ZBED6: variants seen among roughly 807,000 people sequenced by gnomAD.
The protein encoded by ZBED6 is zinc finger BED domain-containing protein 6.
A neutral mutation model predicts 58.4 loss-of-function variants in ZBED6; 40 were observed. That is an observed-to-expected ratio of 0.68 (90% CI 0.53 to 0.89). The LOEUF (loss-of-function observed/expected upper bound fraction) is 0.89, where lower values mean the gene tolerates loss of function less well. Ranked by LOEUF, ZBED6 falls within the 40% of genes least tolerant of loss-of-function variation. ZBED6 has a pLI of 0.00. For missense variants in ZBED6, 1,057 were observed against 1,003.9 expected, an observed-to-expected ratio of 1.05 and a Z score of -0.71; for synonymous variants, 439 against 350.6, an observed-to-expected ratio of 1.25 and a Z score of -2.82.
chr1:203,808,423 A>T (rs1673109913), intron 1 of ZBED6, among the ~76,000 whole-genome samples: 1 of 152,186 alleles, frequency 6.6e-6, no homozygotes. Flanking sequence ...TATAGCAGAG[A>T]TGTCTTTAAA....
At chr1:203,829,816 C>T (rs1313346675) in exon 6 of ZBED6, 2 of 1,614,050 alleles carry the variant, frequency 1.2e-6, no homozygotes, top group Non-Finnish European at 1.7e-6. Context: ...ACCAAAACAC[C>T]TACCCTGCAA....
intron 3 of ZBED6, among the ~76,000 whole-genome samples, chr1:203,821,125 C>G (rs961353139): frequency 6.6e-6 from 1 of 152,018 alleles, no homozygotes; most frequent in East Asian, 1.9e-4. Context: ...GTTTCCCCCA[C>G]GCTATTCTCA....
At chr1:203,797,140 T>C (rs528968905) in exon 1 of ZBED6, 34 of 159,460 alleles carry the variant, frequency 2.1e-4, no homozygotes, top group East Asian at 9.2e-4. Flanking sequence ...CAAGTAGATA[T>C]AGTTCTTGAT....
At chr1:203,813,126 T>A (rs1408889757) in intron 1 of ZBED6, among the ~76,000 whole-genome samples, 1 of 152,228 alleles carries the variant, frequency 6.6e-6, no homozygotes, top group African/African-American at 2.4e-5. Context: ...TTTTCATTCT[T>A]TCTTAAGCTT....
chr1:203,820,344 C>T (rs889007580), intron 3 of ZBED6, among the ~76,000 whole-genome samples: 1 of 151,960 alleles, frequency 6.6e-6, no homozygotes. Flanking sequence ...CGTTTCATTG[C>T]CCTTAACACT....
At chr1:203,805,542 CT>C in intron 1 of ZBED6, 1 of 562,130 alleles carries the variant, frequency 1.8e-6, no homozygotes, top group South Asian at 1.4e-5. Context: ...AGAAACGTAT[CT>C]GTTACGGTAA....
exon 1 of ZBED6, chr1:203,799,450 A>T (rs1424211204): frequency 1.4e-6 from 1 of 702,972 alleles, no homozygotes; most frequent in Non-Finnish European, 2.6e-6. Flanking sequence ...TTGAAGCAGG[A>T]CGAAACTGGC....
At chr1:203,819,060 T>G (rs1677322540) in intron 3 of ZBED6, among the ~76,000 whole-genome samples, 1 of 119,704 alleles carries the variant, frequency 8.4e-6, no homozygotes, top group African/African-American at 3.1e-5. Context: ...AGAGCAACAC[T>G]CCGTCTCAAA....
intron 13 of ZBED6, among the ~76,000 whole-genome samples, chr1:203,849,441 G>T (rs191052727): frequency 3.9e-5 from 6 of 152,254 alleles, no homozygotes; most frequent in Non-Finnish European, 7.4e-5. Flanking sequence ...CTTTGTGCAG[G>T]TATTTGATTA....
exon 17 of ZBED6, chr1:203,852,901 G>C (rs1558150529): frequency 6.0e-6 from 1 of 165,526 alleles, no homozygotes; most frequent in Non-Finnish European, 1.3e-5. Flanking sequence ...TCTTTTTAAA[G>C]GTATTTAAAG....
intron 11 of ZBED6, among the ~76,000 whole-genome samples, chr1:203,845,637 G>C (rs1175847610): frequency 6.6e-6 from 1 of 152,186 alleles, no homozygotes; most frequent in African/African-American, 2.4e-5. Context: ...GGCCAGGCAG[G>C]TAAATCTCTT....
exon 16 of ZBED6, chr1:203,851,116 T>C: frequency 5.0e-6 from 8 of 1,614,180 alleles, no homozygotes; most frequent in Non-Finnish European, 6.8e-6. Context: ...CAGAAAATCC[T>C]AGAGACAGGT....
intron 3 of ZBED6, among the ~76,000 whole-genome samples, chr1:203,820,378 T>G (rs1021844277): frequency 1.3e-5 from 2 of 152,114 alleles, no homozygotes; most frequent in Non-Finnish European, 2.9e-5. Context: ...GGGAAATTGT[T>G]TTTAAGAATG....
rs762546059 is a variant in ZBED6 at position 203,849,698 on chromosome 1, A to C, written c.*4323-13A>C. ...TACCAGATTTTAATTCTGTCATTCA[A>C]ATTTATCCACAGGCTTCAGGTGAGA... is the stretch of plus-strand genomic sequence containing the variant. On this transcript the variant is annotated splice_polypyrimidine_tract_variant and intron_variant, in intron 13 of 16. Transcript: ENST00000550078. 4 of 1,612,862 alleles carry C rather than the reference A, an allele frequency of 2.5e-6. No individual in the cohort carries two copies. Among genetic ancestry groups the C allele is most frequent in the Non-Finnish European group, 2.5e-6 (3 of 1,179,370 alleles).
At position 203,800,044 on chromosome 1, in the gene ZBED6, G is replaced by T. The variant is rs1347687694; in HGVS notation, c.2522G>T (p.Gly841Val). The T allele has an allele frequency of 2.6e-6, 4 of 1,536,110 alleles. No homozygotes were observed. The highest frequency in any genetic ancestry group is 3.3e-4 in the Middle Eastern group (2 of 5,990). Residue 841 changes from glycine to valine, a missense_variant, in exon 1 of 17, where the codon GGT becomes GTT. Transcript: ENST00000550078. The stretch of plus-strand genomic sequence containing the variant: ...CTAAAAGAAGGCACCTCCAGTTCAG[G>T]TTCTGTTGATAGCTCAGCTGTAGAC...
intron 11 of ZBED6, 50 bp from the exon 12 acceptor site, chr1:203,847,134 T>C: frequency 6.3e-7 from 1 of 1,593,988 alleles, no homozygotes; most frequent in Non-Finnish European, 8.5e-7. Context: ...CATAAGTCAG[T>C]AAGAGATGAA....
chr1:203,831,617 A>G, intron 7 of ZBED6, 44 bp from the exon 8 acceptor site: 1 of 1,551,896 alleles, frequency 6.4e-7, no homozygotes, highest in East Asian at 2.3e-5. Context: ...GGATAGCATT[A>G]TTTTCCATAA....
At position 203,812,261 on chromosome 1, in the gene ZBED6, C is replaced by T. The variant is rs191271639; in HGVS notation, c.*2555-4665C>T. 1.7e-3 allele frequency among the ~76,000 whole-genome samples: 263 copies of T among 152,188 alleles called. 2 individuals are homozygous for T. Among genetic ancestry groups the T allele is most frequent in the African/African-American group, 5.9e-3 (246 of 41,536 alleles). ...GTATCTATTAGTTGTTTTTCCTGAT[C>T]CTCTCCCTCCTCCCACCTTCTACCT... On this transcript the variant is annotated intron_variant, in intron 1 of 16. Coordinates refer to ENST00000550078, the Ensembl canonical transcript of ZBED6.
At chr1:203,837,398 T>C (rs946632244) in intron 9 of ZBED6, among the ~76,000 whole-genome samples, 3 of 152,134 alleles carry the variant, frequency 2.0e-5, no homozygotes, top group Non-Finnish European at 4.4e-5. Context: ...GTTTGTCAGT[T>C]AATTTATTTG....
Sources: gnomAD v4.1 joint callset for allele counts (sites outside exome capture counted in the v4.1 genomes callset) on GRCh38, gnomAD v4.1.1 for gene constraint, MANE v1.5 for transcripts, NCBI Gene and HGNC (gene_info 2026-07-23, HGNC 2026-07-21) for gene names.